Variants in RFX7 observed in about 807,000 individuals in gnomAD.
The protein encoded by RFX7 is regulatory factor X7.
In RFX7, 26 loss-of-function variants were observed where a neutral mutation model predicts 111.8. That is an observed-to-expected ratio of 0.23 (90% CI 0.17 to 0.32). The LOEUF (loss-of-function observed/expected upper bound fraction) is 0.32, where lower values mean the gene tolerates loss of function less well. Among genes scored for constraint, RFX7 ranks in the 10% least tolerant of loss-of-function variants. RFX7 has a pLI of 1.00. For missense variants in RFX7, 1,573 were observed against 1,772.9 expected (o/e 0.89, Z 2.02); for synonymous variants, 624 against 624.4 (o/e 1.00, Z 0.01).
chr15:56,101,902 T>A (rs779828421), intron 7 of RFX7, among the ~76,000 whole-genome samples: 9 of 152,244 alleles, frequency 5.9e-5, no homozygotes, highest in Non-Finnish European at 1.3e-4. Flanking sequence ...GATGACTGAC[T>A]TTTTCCTCTT....
At chr15:56,209,044 A>G (rs1329845034) in intron 2 of RFX7, among the ~76,000 whole-genome samples, 1 of 152,138 alleles carries the variant, frequency 6.6e-6, no homozygotes, top group Non-Finnish European at 1.5e-5. Context: ...ACCAAACCAC[A>G]GATCTAGGAA....
upstream of RFX7, among the ~76,000 whole-genome samples, chr15:56,244,940 T>C (rs2141265926): frequency 6.6e-6 from 1 of 152,232 alleles, no homozygotes; most frequent in South Asian, 2.1e-4. Flanking sequence ...GGATGTAGAA[T>C]ACAACAGCCA....
chr15:56,096,357 G>T lies in RFX7; in HGVS notation c.1371C>A (p.Ile457=). Residue 457 remains isoleucine (I), a synonymous_variant, in exon 10 of 10, where the codon ATC becomes ATA. Transcript: ENST00000559447. ...GTGAAGCGGGTACAACAGCAGTTTTGATGGGACTACTAGTAAAGAGGACAG... is the reference window on the plus strand; with the variant it reads ...GTGAAGCGGGTACAACAGCAGTTTTTATGGGACTACTAGTAAAGAGGACAG... ...PTTVLFTSSP[I]KTAVVPASHM... is the part of the protein sequence containing the mutation. 6.2e-7 allele frequency: 1 copy of T among 1,613,972 alleles called. No homozygotes were observed. The highest frequency in any genetic ancestry group is 8.5e-7 in the Non-Finnish European group (1 of 1,179,876).
At position 56,095,560 on chromosome 15, in the gene RFX7, C is replaced by G. The variant is rs374394850; in HGVS notation, c.2168G>C (p.Ser723Thr). 3.7e-6 allele frequency: 6 copies of G among 1,613,802 alleles called. No homozygotes were observed. Among genetic ancestry groups the G allele is most frequent in the Non-Finnish European group, 5.1e-6 (6 of 1,179,870 alleles). The change falls in exon 10 of 10, where the codon AGT (serine) becomes ACT (threonine). Residue 723 changes from serine (S) to threonine (T), a missense_variant. Coordinates refer to ENST00000559447, the MANE Select transcript of RFX7 (RefSeq NM_022841.7). ...QIPSKVSVNVSSHIGANQPLN... is the reference protein window; with the variant it reads ...QIPSKVSVNVTSHIGANQPLN... Reference sequence around the variant, plus strand: ...GGGTTGATTTGCTCCTATGTGTGAACTGACATTTACTGATACCTTGCTAGG... The same window carrying G: ...GGGTTGATTTGCTCCTATGTGTGAAGTGACATTTACTGATACCTTGCTAGG...
At chr15:56,164,695 G>A (rs544819774) in intron 3 of RFX7, among the ~76,000 whole-genome samples, 3 of 152,084 alleles carry the variant, frequency 2.0e-5, no homozygotes, top group Non-Finnish European at 2.9e-5. Flanking sequence ...GGGGTAGTTA[G>A]TACCTCTGCC....
chr15:56,200,270 T>C (rs1048421707), intron 2 of RFX7, among the ~76,000 whole-genome samples: 72 of 152,312 alleles, frequency 4.7e-4, no homozygotes, highest in African/African-American at 1.7e-3. Context: ...GCGACCCATC[T>C]GTAAGGATGA....
intron 2 of RFX7, among the ~76,000 whole-genome samples, chr15:56,206,492 C>A (rs2043253457): frequency 6.6e-6 from 1 of 152,066 alleles, no homozygotes; most frequent in Admixed American, 6.6e-5. Flanking sequence ...TCCAGCAATC[C>A]CACTGCTAGC....
At chr15:56,116,695 G>C (rs1161439121) in intron 5 of RFX7, among the ~76,000 whole-genome samples, 1 of 152,170 alleles carries the variant, frequency 6.6e-6, no homozygotes, top group Admixed American at 6.5e-5. Flanking sequence ...TCAGGGAAAT[G>C]CAAGTTAAAA....
intron 3 of RFX7, among the ~76,000 whole-genome samples, chr15:56,157,054 C>T (rs2042661864): frequency 6.6e-6 from 1 of 152,266 alleles, no homozygotes; most frequent in South Asian, 2.1e-4. Flanking sequence ...AGGAACTGCC[C>T]GTTCATTTCT....
chr15:56,205,386 C>T (rs1209763488), intron 2 of RFX7, among the ~76,000 whole-genome samples: 1 of 152,110 alleles, frequency 6.6e-6, no homozygotes, highest in East Asian at 1.9e-4. Context: ...ATGCTTTTTG[C>T]CCAAATTTTG....
intron 2 of RFX7, among the ~76,000 whole-genome samples, chr15:56,201,479 C>T (rs1250362075): frequency 2.6e-5 from 4 of 152,190 alleles, no homozygotes; most frequent in Admixed American, 6.5e-5. Context: ...CAAAAAATTA[C>T]GAAGTAATCT....
intron 5 of RFX7, among the ~76,000 whole-genome samples, chr15:56,119,434 G>A (rs540708557): frequency 1.2e-4 from 19 of 152,090 alleles, no homozygotes; most frequent in Non-Finnish European, 1.9e-4. Flanking sequence ...ATCATTTATT[G>A]AAGAAACCAT....
chr15:56,192,019 A>G (rs1295217397), intron 2 of RFX7, among the ~76,000 whole-genome samples: 7 of 152,168 alleles, frequency 4.6e-5, no homozygotes, highest in Non-Finnish European at 4.4e-5. Flanking sequence ...TCACTCTCAG[A>G]GCAAGTATCT....
Position 56,096,281 on chromosome 15 carries a change from T to C in RFX7, c.1447A>G (p.Ser483Gly), listed in dbSNP as rs2041676277. ...TGTTTAAGAGGGGTGTTACTGTTGC[T>C]GGGTGTGAGGGATATTGTTGTCATT... ...VKMTTISLTP[S>G]NSNTPLKHSA... Residue 483 changes from serine (S) to glycine (G), a missense_variant, in exon 10 of 10, where the codon AGC (serine) becomes GGC (glycine). Ser to Gly is a moderately conservative substitution (Grantham distance 56). Transcript: ENST00000559447. 1 of 1,613,976 alleles carries C rather than the reference T, an allele frequency of 6.2e-7. No homozygotes were observed. Among genetic ancestry groups the C allele is most frequent in the South Asian group, 1.1e-5 (1 of 91,080 alleles).
At chr15:56,231,676 C>T (rs1230398821) in intron 2 of RFX7, among the ~76,000 whole-genome samples, 5 of 152,128 alleles carry the variant, frequency 3.3e-5, no homozygotes, top group Admixed American at 2.6e-4. Context: ...ACCAATCATG[C>T]CTTCCCAACA....
intron 2 of RFX7, among the ~76,000 whole-genome samples, chr15:56,199,918 T>TA (rs1456508989): frequency 5.9e-5 from 9 of 152,170 alleles, no homozygotes; most frequent in African/African-American, 2.2e-4. Context: ...CAAATTAGGA[T>TA]AAAAAATGAC....
chr15:56,134,425 T>C (rs1352495821), intron 5 of RFX7, among the ~76,000 whole-genome samples: 1 of 152,222 alleles, frequency 6.6e-6, no homozygotes, highest in Non-Finnish European at 1.5e-5. Context: ...TTTTTTGAAC[T>C]AAAATACCCA....
intron 3 of RFX7, among the ~76,000 whole-genome samples, chr15:56,165,712 A>T (rs1178623538): frequency 3.9e-5 from 6 of 152,212 alleles, no homozygotes; most frequent in African/African-American, 1.4e-4. Flanking sequence ...CTAAGTTACC[A>T]AAAATATAGG....
intron 2 of RFX7, among the ~76,000 whole-genome samples, chr15:56,239,772 G>T (rs1422102751): frequency 1.3e-5 from 2 of 151,994 alleles, no homozygotes; most frequent in African/African-American, 4.8e-5. Flanking sequence ...CACTCATGTA[G>T]GTATGATCTC....
Sources: gnomAD v4.1 joint callset for allele counts (sites outside exome capture counted in the v4.1 genomes callset) on GRCh38, gnomAD v4.1.1 for gene constraint, MANE v1.5 for transcripts, NCBI Gene and HGNC (gene_info 2026-07-23, HGNC 2026-07-21) for gene names.